Variants in DHTKD1 observed in about 807,000 individuals in gnomAD.
DHTKD1 encodes 2-oxoadipate dehydrogenase complex component E1.
DHTKD1 carries 78 observed loss-of-function variants against 101.8 expected under a neutral mutation model. That is an observed-to-expected ratio of 0.77 (90% CI 0.64 to 0.93). DHTKD1 has a LOEUF of 0.93. Among genes scored for constraint, DHTKD1 ranks in the 40% least tolerant of loss-of-function variants. The pLI is 0.00. For missense variants in DHTKD1, 1,223 were observed against 1,161.7 expected, an observed-to-expected ratio of 1.05 and a Z score of -0.77; for synonymous variants, 462 against 450.3, an observed-to-expected ratio of 1.03 and a Z score of -0.33.
chr10:12,110,636 C>A lies in DHTKD1; in HGVS notation c.2155-2264C>A, dbSNP rs1833315775. Among the ~76,000 whole-genome samples, 1 of 152,128 alleles carries A rather than the reference C, an allele frequency of 6.6e-6. No individual in the cohort carries two copies. Among genetic ancestry groups the A allele is most frequent in the African/African-American group, 2.4e-5 (1 of 41,448 alleles). On this transcript the variant is annotated intron_variant, in intron 12 of 16. Transcript: ENST00000263035. This position sits in a 1 kb window ranked among gnomAD's most constrained non-coding sequence, Gnocchi z 4.9. ...CAGACCCGTCACCTCACATACTCAC[C>A]ATTTTTGGGGAAGAGAACATTTAAA...
In DHTKD1 at chr10:12,107,548, G is replaced by C. The variant is rs1373711835; in HGVS notation, c.2048-361G>C. On this transcript the variant is annotated intron_variant, in intron 11 of 16. Coordinates refer to ENST00000263035, the MANE Select transcript of DHTKD1 (RefSeq NM_018706.7). The surrounding 1 kb of genome is among the most constrained non-coding windows in gnomAD (Gnocchi z 4.1). ...TTCTCCCACCTCAGCCTCCCGAGTAGCTGGGACTACAGACATGTGCCACTA... is the reference window on the plus strand; with the variant it reads ...TTCTCCCACCTCAGCCTCCCGAGTACCTGGGACTACAGACATGTGCCACTA... Among the ~76,000 whole-genome samples, 1 of 152,058 alleles carries C rather than the reference G, an allele frequency of 6.6e-6. No individual in the cohort carries two copies. The highest frequency in any genetic ancestry group is 1.5e-5 in the Non-Finnish European group (1 of 68,016).
At chr10:12,083,131 C>T (rs1014438767) in intron 2 of DHTKD1, among the ~76,000 whole-genome samples, 1 of 151,368 alleles carries the variant, frequency 6.6e-6, no homozygotes, top group African/African-American at 2.4e-5. Context: ...GCACTCCAGC[C>T]TGGGCGACAG....
intron 13 of DHTKD1, among the ~76,000 whole-genome samples, chr10:12,114,997 G>T (rs1204929765): frequency 7.2e-5 from 11 of 151,888 alleles, no homozygotes; most frequent in Non-Finnish European, 1.5e-4. Flanking sequence ...GGGTTTCACT[G>T]TGTTAGCCAG....
Position 12,098,194 on chromosome 10 carries a change from C to T in DHTKD1, c.1671+198C>T, listed in dbSNP as rs544714880. Among the ~76,000 whole-genome samples the T allele has an allele frequency of 2.0e-5, 3 of 152,280 alleles. No homozygotes were observed. In the South Asian group the frequency reaches 6.2e-4, roughly 32 times the overall value. ...GATTTTCTCTTCTTTTCTTTTTCCT[C>T]CATGTATTTATTTATTTATGCATGT... On this transcript the variant is annotated intron_variant, in intron 8 of 16. Coordinates refer to ENST00000263035, the MANE Select transcript of DHTKD1 (RefSeq NM_018706.7).
At chr10:12,105,567 C>A (rs1833231317) in intron 10 of DHTKD1, among the ~76,000 whole-genome samples, 2 of 152,116 alleles carry the variant, frequency 1.3e-5, no homozygotes, top group African/African-American at 2.4e-5. Flanking sequence ...ATCCTCCCAT[C>A]TCGGCCTCCC....
intron 5 of DHTKD1, among the ~76,000 whole-genome samples, chr10:12,090,449 TTCCTTCCTTCC>T (rs1564391867): frequency 7.7e-6 from 1 of 129,190 alleles, no homozygotes; most frequent in African/African-American, 2.7e-5. Context: ...CCTTCCTTCC[TTCCTTCCTTCC>T]TTCCTTCCTT....
intron 1 of DHTKD1, among the ~76,000 whole-genome samples, chr10:12,069,819 T>G (rs922437961): frequency 4.0e-5 from 6 of 150,404 alleles, no homozygotes; most frequent in Non-Finnish European, 8.9e-5. Context: ...GATTACAGGC[T>G]GAGCCACTGC....
Position 12,117,658 on chromosome 10 carries a change from T to C in DHTKD1, c.2320-15T>C. On this transcript the variant is annotated splice_polypyrimidine_tract_variant and intron_variant, in intron 13 of 16. Coordinates refer to ENST00000263035, the MANE Select transcript of DHTKD1 (RefSeq NM_018706.7). ...TCTGTTGCTTGCTGGATGTGTGGCCTCTTCTCCCTCGTAGGCAGCCGTGTC... is the reference window on the plus strand; with the variant it reads ...TCTGTTGCTTGCTGGATGTGTGGCCCCTTCTCCCTCGTAGGCAGCCGTGTC... The C allele has an allele frequency of 1.3e-6, 2 of 1,539,220 alleles. No individual in the cohort carries two copies. Among genetic ancestry groups the C allele is most frequent in the Non-Finnish European group, 1.8e-6 (2 of 1,119,702 alleles).
At chr10:12,105,242 A>G (rs1285059588) in intron 10 of DHTKD1, among the ~76,000 whole-genome samples, 3 of 152,136 alleles carry the variant, frequency 2.0e-5, no homozygotes, top group Non-Finnish European at 4.4e-5. Context: ...TTTACCATGC[A>G]AATACGATGT....
rs1322059733 is a variant in DHTKD1 at position 12,122,009 on chromosome 10, T to G, written c.*1121T>G. The G allele has an allele frequency of 6.6e-6, 1 of 152,218 alleles. No homozygotes were observed. The highest frequency in any genetic ancestry group is 1.9e-4 in the East Asian group (1 of 5,202). 9.4% of individuals were successfully genotyped at this position (152,218 alleles called of 1,614,324 possible). ...TGGCAGTACTAATATTTTCATTTTA[T>G]GTAATCTCTGGTGCTGCTTTCCAGT... On this transcript the variant is annotated 3_prime_UTR_variant, in exon 17 of 17. Transcript: ENST00000263035.
chr10:12,080,299 CAAAAA>C (rs11359134), intron 1 of DHTKD1, among the ~76,000 whole-genome samples: 2 of 87,688 alleles, frequency 2.3e-5, no homozygotes. Flanking sequence ...GACTCCGTCT[CAAAAA>C]AAAAAAAAAA....
rs116609553 is a variant in DHTKD1 at position 12,080,836 on chromosome 10, A to G, written c.155-636A>G. On this transcript the variant is annotated intron_variant, in intron 1 of 16. Coordinates refer to ENST00000263035, the MANE Select transcript of DHTKD1 (RefSeq NM_018706.7). The stretch of plus-strand genomic sequence containing the variant: ...TCTTGGCCTTCTTTGAGAGGCCAAG[A>G]TGAGTGAATCGCTTGAGCTCAGGGG... Among the ~76,000 whole-genome samples, 565 of 152,098 alleles carry G rather than the reference A, an allele frequency of 3.7e-3. 4 individuals are homozygous for G. The highest frequency in any genetic ancestry group is 0.013 in the African/African-American group (537 of 41,502).
chr10:12,091,427 A>AAAAAAAAAAATTTATTCC, intron 5 of DHTKD1, 86 bp from the exon 6 acceptor site: 1 of 869,934 alleles, frequency 1.1e-6, no homozygotes, highest in Non-Finnish European at 1.6e-6. Flanking sequence ...AAAAAAAAAA[A>AAAAAAAAAAATTTATTCC]AAAGTTATTC....
intron 10 of DHTKD1, among the ~76,000 whole-genome samples, chr10:12,102,770 C>T (rs1296865082): frequency 6.6e-6 from 1 of 152,030 alleles, no homozygotes; most frequent in Non-Finnish European, 1.5e-5. Flanking sequence ...ACTCTGTCAC[C>T]CAGGCTGGAG....
At chr10:12,083,882 GAAAAAA>G (rs112707993) in intron 2 of DHTKD1, among the ~76,000 whole-genome samples, 3,949 of 152,000 alleles carry the variant, frequency 0.026, 172 homozygotes, top group African/African-American at 0.091. Flanking sequence ...TTTTTCTTTA[GAAAAAA>G]ATCGAGATAA....
intron 7 of DHTKD1, 103 bp downstream of exon 7, chr10:12,094,374 G>C: frequency 1.9e-6 from 2 of 1,050,184 alleles, no homozygotes; most frequent in South Asian, 1.4e-5. Context: ...CTGGAATGCA[G>C]TAGCACGATC....
At chr10:12,118,436 G>C (rs543212891) in intron 14 of DHTKD1, among the ~76,000 whole-genome samples, 2 of 148,150 alleles carry the variant, frequency 1.3e-5, no homozygotes, top group South Asian at 4.2e-4. Flanking sequence ...AGGCTGGAGT[G>C]CAGTGGCACG....
At chr10:12,072,526 T>A (rs1454145626) in intron 1 of DHTKD1, among the ~76,000 whole-genome samples, 1 of 151,882 alleles carries the variant, frequency 6.6e-6, no homozygotes, top group Non-Finnish European at 1.5e-5. Context: ...ATTAAATAGA[T>A]ATTGAATTTG....
At position 12,094,133 on chromosome 10, in the gene DHTKD1, G is replaced by A. The variant is rs201455968; in HGVS notation, c.1220G>A (p.Arg407His). 544 of 1,614,106 alleles carry A rather than the reference G, an allele frequency of 3.4e-4. No homozygotes were observed. Among genetic ancestry groups the A allele is most frequent in the Non-Finnish European group, 3.2e-4 (378 of 1,180,020 alleles). Residue 407 changes from arginine to histidine, a missense_variant, in exon 7 of 17, where the codon CGT becomes CAT. Coordinates refer to ENST00000263035, the MANE Select transcript of DHTKD1 (RefSeq NM_018706.7). ...VNGDSPEEVV[R>H]ATRLAFEYQR... ...GGAGACAGCCCAGAGGAAGTGGTCCGTGCCACACGACTGGCTTTTGAATAC... is the reference window on the plus strand; with the variant it reads ...GGAGACAGCCCAGAGGAAGTGGTCCATGCCACACGACTGGCTTTTGAATAC...
Sources: allele counts gnomAD v4.1 joint callset (sites outside exome capture counted in the v4.1 genomes callset), GRCh38; gene constraint gnomAD v4.1.1; non-coding constraint Gnocchi (gnomAD v3.1); transcripts MANE v1.5; gene names NCBI Gene and HGNC (gene_info 2026-07-23, HGNC 2026-07-21).